Variants in FAM20C observed in about 807,000 individuals in gnomAD.
The protein encoded by FAM20C is FAM20C golgi associated secretory pathway kinase.
In FAM20C, 40 loss-of-function variants were observed where a neutral mutation model predicts 51.5. The ratio of observed to expected loss-of-function variants is 0.78; its 90% CI spans 0.60 to 1.01. The LOEUF (loss-of-function observed/expected upper bound fraction) is 1.01. FAM20C is among the 50% of genes least tolerant of loss of function. The pLI is 0.00. For missense variants in FAM20C, 861 were observed against 844.7 expected (o/e 1.02, Z -0.24); for synonymous variants, 406 against 380.6 (o/e 1.07, Z -0.78).
Position 255,338 on chromosome 7 carries a change from C to T in FAM20C, c.1073-511C>T, listed in dbSNP as rs567277311. Among the ~76,000 whole-genome samples, 3 of 152,326 alleles carry T rather than the reference C, an allele frequency of 2.0e-5. No individual in the cohort carries two copies. The East Asian group carries it at 5.8e-4, about 29-fold the overall frequency. ...ATCTCCCCGGTGACTCACGATGGCG[C>T]CCGTCTCTTCTCATGCTTGTCGGCC... is the stretch of plus-strand genomic sequence containing the variant. On this transcript the variant is annotated intron_variant, in intron 5 of 9. Coordinates refer to ENST00000313766, the MANE Select transcript of FAM20C (RefSeq NM_020223.4).
intron 5 of FAM20C, among the ~76,000 whole-genome samples, chr7:251,150 T>C (rs1788380908): frequency 6.6e-6 from 1 of 150,556 alleles, no homozygotes; most frequent in Admixed American, 6.6e-5. Context: ...TCTTACTGAG[T>C]GGCCGGGCAC....
At chr7:229,815 GAGA>G (rs1202035756) in intron 3 of FAM20C, among the ~76,000 whole-genome samples, 3 of 152,150 alleles carry the variant, frequency 2.0e-5, no homozygotes, top group Non-Finnish European at 2.9e-5. Context: ...TGTGAGTGAT[GAGA>G]AGATTACCCA....
At chr7:242,153 C>A (rs1266596554) in intron 3 of FAM20C, among the ~76,000 whole-genome samples, 1 of 152,134 alleles carries the variant, frequency 6.6e-6, no homozygotes, top group African/African-American at 2.4e-5. Flanking sequence ...CATCACCACA[C>A]GGTGAGCTCC....
Position 225,974 on chromosome 7 carries a change from A to AC in FAM20C, c.863+16998_863+16999insC, listed in dbSNP as rs1360487804. Among the ~76,000 whole-genome samples the AC allele has an allele frequency of 5.1e-4, 66 of 128,366 alleles. 3 individuals are homozygous for AC. The highest frequency in any genetic ancestry group is 1.9e-3 in the African/African-American group (61 of 32,688). The allele number at this position is 128,366 out of a possible 152,430, so 84.2% of individuals were successfully genotyped here. ...TCTCATTGCGCAGAATGGCACCCTC[A>AC]TGGGGTCGCACGGCGGCTGTCCCCT... On this transcript the variant is annotated intron_variant, in intron 3 of 9. Coordinates refer to ENST00000313766, the MANE Select transcript of FAM20C (RefSeq NM_020223.4).
intron 2 of FAM20C, among the ~76,000 whole-genome samples, chr7:208,684 G>A (rs1489742708): frequency 6.6e-6 from 1 of 152,018 alleles, no homozygotes; most frequent in East Asian, 1.9e-4. Flanking sequence ...TCAGCATGGA[G>A]AGATCTACCC....
chr7:228,372 G>A (rs1583314707), intron 3 of FAM20C: 1 of 432,850 alleles, frequency 2.3e-6, no homozygotes, highest in Admixed American at 2.5e-5. Context: ...TCTTGTCAGT[G>A]TGGCTGTCTC....
intron 4 of FAM20C, among the ~76,000 whole-genome samples, chr7:246,991 C>T (rs138444487): frequency 3.4e-4 from 52 of 152,136 alleles, no homozygotes; most frequent in Non-Finnish European, 5.4e-4. Flanking sequence ...AGCTGCTGTG[C>T]GGTCGGTAAT....
intron 4 of FAM20C, among the ~76,000 whole-genome samples, chr7:247,057 G>A (rs1435809322): frequency 1.3e-5 from 2 of 152,180 alleles, no homozygotes; most frequent in Non-Finnish European, 2.9e-5. Flanking sequence ...ATTAAGTGCT[G>A]CGAATCTTAA....
chr7:258,150 C>T (rs1309796690), intron 8 of FAM20C, among the ~76,000 whole-genome samples: 45 of 102,054 alleles, frequency 4.4e-4, no homozygotes, highest in African/African-American at 1.6e-3. Context: ...GACTGGGGTG[C>T]TGGAGATAGG....
intron 5 of FAM20C, among the ~76,000 whole-genome samples, chr7:250,049 A>G (rs938037478): frequency 6.6e-6 from 1 of 152,190 alleles, no homozygotes; most frequent in Non-Finnish European, 1.5e-5. Context: ...CTCTCACTGT[A>G]GGGGGCCTCA....
At chr7:222,818 A>C (rs144653181) in intron 3 of FAM20C, among the ~76,000 whole-genome samples, 1 of 151,612 alleles carries the variant, frequency 6.6e-6, no homozygotes, top group Non-Finnish European at 1.5e-5. Flanking sequence ...CATGTGTATG[A>C]GTGTGTAAGG....
chr7:235,163 G>C (rs984502686), intron 3 of FAM20C, among the ~76,000 whole-genome samples: 2 of 151,910 alleles, frequency 1.3e-5, no homozygotes, highest in Non-Finnish European at 2.9e-5. Flanking sequence ...CCCAGGCTGC[G>C]GCATTTTCAA....
At chr7:253,206 C>G (rs1025977625) in intron 5 of FAM20C, among the ~76,000 whole-genome samples, 9 of 152,216 alleles carry the variant, frequency 5.9e-5, no homozygotes, top group Non-Finnish European at 8.8e-5. Flanking sequence ...GTAACAGTGT[C>G]CGCCGGGCCC....
chr7:199,889 C>T (rs1786051113), intron 2 of FAM20C, among the ~76,000 whole-genome samples: 2 of 152,214 alleles, frequency 1.3e-5, no homozygotes, highest in Non-Finnish European at 2.9e-5. Flanking sequence ...AGGATTCGGG[C>T]AGCTTCTGGA....
chr7:231,255 G>GAGC (rs989388413), intron 3 of FAM20C, among the ~76,000 whole-genome samples: 1 of 152,294 alleles, frequency 6.6e-6, no homozygotes, highest in African/African-American at 2.4e-5. Context: ...GGCAGAGCAG[G>GAGC]AGCAGCAGCA....
chr7:213,313 G>T lies in FAM20C; in HGVS notation c.863+4337G>T, dbSNP rs145731475. 1.0e-3 allele frequency among the ~76,000 whole-genome samples: 159 copies of T among 151,962 alleles called. 2 individuals carry two copies. The highest frequency in any genetic ancestry group is 3.6e-3 in the African/African-American group (151 of 41,382). Reference sequence around the variant, plus strand: ...GGAATCCTGCAGTGTGTGGTCCTTTGTGAGTGACACGTTTCCAAGGCTCTG... The same window carrying T: ...GGAATCCTGCAGTGTGTGGTCCTTTTTGAGTGACACGTTTCCAAGGCTCTG... On this transcript the variant is annotated intron_variant, in intron 3 of 9. Transcript: ENST00000313766.
intron 3 of FAM20C, chr7:228,982 G>T (rs568111253): frequency 8.0e-6 from 3 of 374,390 alleles, no homozygotes; most frequent in Non-Finnish European, 1.6e-5. Context: ...GGTGAGTAGC[G>T]ACACCAGGAC....
At chr7:216,593 G>C (rs1469035060) in intron 3 of FAM20C, among the ~76,000 whole-genome samples, 2 of 151,588 alleles carry the variant, frequency 1.3e-5, no homozygotes, top group African/African-American at 4.9e-5. Context: ...GCTCTTTCCA[G>C]CCTGGGAGTT....
intron 6 of FAM20C, 135 bp from the exon 7 acceptor site, chr7:256,519 A>AGC: frequency 1.4e-6 from 1 of 705,326 alleles, no homozygotes; most frequent in Non-Finnish European, 2.4e-6. Context: ...ATGCAGCCTC[A>AGC]GCGCCGCAGC....
Sources: allele counts gnomAD v4.1 joint callset (sites outside exome capture counted in the v4.1 genomes callset), GRCh38; gene constraint gnomAD v4.1.1; transcripts MANE v1.5; gene names NCBI Gene and HGNC (gene_info 2026-07-23, HGNC 2026-07-21).